Variants in PRMT8 observed in about 807,000 individuals in gnomAD.
PRMT8 encodes protein arginine methyltransferase 8.
In PRMT8, 7 loss-of-function variants were observed where a neutral mutation model predicts 47.1. That is an observed-to-expected ratio of 0.15 (90% CI 0.08 to 0.28). PRMT8 has a LOEUF of 0.28. Among genes scored for constraint, PRMT8 ranks in the 10% least tolerant of loss-of-function variants. The probability of loss-of-function intolerance (pLI) is 1.00; values close to 1 mark genes in which losing one functional copy is unlikely to be tolerated. For missense variants in PRMT8, 237 were observed against 505.4 expected (o/e 0.47, Z 5.09); for synonymous variants, 188 against 186.5 (o/e 1.01, Z -0.07).
At chr12:3,431,808 A>G (rs942289588) in intron 1 of PRMT8, among the ~76,000 whole-genome samples, 2 of 152,220 alleles carry the variant, frequency 1.3e-5, no homozygotes, top group African/African-American at 4.8e-5. Context: ...GTAGTCTTCC[A>G]AGAAGCTTGT....
At chr12:3,446,438 T>C (rs1164266799) in intron 1 of PRMT8, among the ~76,000 whole-genome samples, 1 of 152,130 alleles carries the variant, frequency 6.6e-6, no homozygotes, top group African/African-American at 2.4e-5. Flanking sequence ...AGAATCTTGC[T>C]CCAGCTGCAG....
intron 1 of PRMT8, among the ~76,000 whole-genome samples, chr12:3,506,537 C>G (rs1430837573): frequency 6.6e-6 from 1 of 152,092 alleles, no homozygotes; most frequent in African/African-American, 2.4e-5. Context: ...TGTGAAGGGC[C>G]CATTACAGGA....
chr12:3,398,224 C>T (rs1004774290), intron 1 of PRMT8, among the ~76,000 whole-genome samples: 2 of 152,166 alleles, frequency 1.3e-5, no homozygotes, highest in African/African-American at 4.8e-5. Context: ...GCCATCTTGG[C>T]TCCTCCCTCG....
intron 2 of PRMT8, among the ~76,000 whole-genome samples, chr12:3,543,247 C>T (rs909877722): frequency 6.6e-6 from 1 of 152,190 alleles, no homozygotes; most frequent in Admixed American, 6.5e-5. Context: ...TCCTTCCCCC[C>T]GAGGTCTCCT....
At chr12:3,402,929 G>A (rs1170832561) in intron 1 of PRMT8, among the ~76,000 whole-genome samples, 1 of 152,112 alleles carries the variant, frequency 6.6e-6, no homozygotes, top group African/African-American at 2.4e-5. Flanking sequence ...AAGACCTAGA[G>A]GCAGAGATAC....
intron 1 of PRMT8, chr12:3,469,120 A>C: frequency 2.0e-6 from 1 of 489,618 alleles, no homozygotes. Context: ...CTGAAGCCAG[A>C]GTCTTCCATG....
intron 1 of PRMT8, among the ~76,000 whole-genome samples, chr12:3,450,645 C>A (rs1239695715): frequency 6.6e-6 from 1 of 152,096 alleles, no homozygotes; most frequent in Non-Finnish European, 1.5e-5. Flanking sequence ...AATAATGTTC[C>A]ATGTAAAAAG....
At chr12:3,407,367 CTTTT>C (rs56668996) in intron 1 of PRMT8, among the ~76,000 whole-genome samples, 1 of 150,700 alleles carries the variant, frequency 6.6e-6, no homozygotes, top group African/African-American at 2.4e-5. Flanking sequence ...TCTTGGCTGA[CTTTT>C]TTTTTTCTTT....
Position 3,593,940 on chromosome 12 carries a change from C to G in PRMT8, c.*758C>G, listed in dbSNP as rs1033058157. The stretch of plus-strand genomic sequence containing the variant: ...AACCTTGAGCATAGTACCACGGACT[C>G]CGTGGGCGCTCAATAAACACACATG... On this transcript the variant is annotated 3_prime_UTR_variant, in exon 10 of 10. Coordinates refer to ENST00000382622, the MANE Select transcript of PRMT8 (RefSeq NM_019854.5). This position sits in a 1 kb window ranked among gnomAD's most constrained non-coding sequence, Gnocchi z 4.8. 2.6e-5 allele frequency: 4 copies of G among 152,874 alleles called. No homozygotes were observed. Among genetic ancestry groups the G allele is most frequent in the Non-Finnish European group, 4.4e-5 (3 of 68,132 alleles). The allele number at this position is 152,874 out of a possible 1,614,324, so 9.5% of individuals were successfully genotyped here.
At position 3,491,365 on chromosome 12, in the gene PRMT8, G is replaced by T; in HGVS notation, c.-261G>T. The T allele has an allele frequency of 2.6e-6, 3 of 1,162,310 alleles. No homozygotes were observed. Among genetic ancestry groups the T allele is most frequent in the South Asian group, 3.3e-5 (1 of 30,080 alleles). The allele number at this position is 1,162,310 out of a possible 1,614,324, so 72.0% of individuals were successfully genotyped here. On this transcript the variant is annotated 5_prime_UTR_variant, in exon 1 of 10. Transcript: ENST00000382622. Reference sequence around the variant, plus strand: ...CTTAGCCCGCAGCGCGGGTGGAGAGGGGCGGGGAGGGGGTCGGGGGCACGA... The same window carrying T: ...CTTAGCCCGCAGCGCGGGTGGAGAGTGGCGGGGAGGGGGTCGGGGGCACGA...
At chr12:3,546,819 G>T (rs1012231299) in intron 2 of PRMT8, among the ~76,000 whole-genome samples, 1 of 152,094 alleles carries the variant, frequency 6.6e-6, no homozygotes, top group African/African-American at 2.4e-5. Context: ...TATGTAATGA[G>T]CCCAGTATAA....
At chr12:3,525,522 A>G (rs577029230) in intron 1 of PRMT8, among the ~76,000 whole-genome samples, 40 of 152,352 alleles carry the variant, frequency 2.6e-4, no homozygotes, top group Admixed American at 1.1e-3. Flanking sequence ...TCTAGGCTTC[A>G]GGACCCACAG....
Position 3,493,191 on chromosome 12 carries a change from G to A in PRMT8, c.75+1491G>A, listed in dbSNP as rs868853569. Among the ~76,000 whole-genome samples, 3 of 152,188 alleles carry A rather than the reference G, an allele frequency of 2.0e-5. No homozygotes were observed. The highest frequency in any genetic ancestry group is 4.4e-5 in the Non-Finnish European group (3 of 68,034). On this transcript the variant is annotated intron_variant, in intron 1 of 9. Transcript: ENST00000382622. This position sits in a 1 kb window ranked among gnomAD's most constrained non-coding sequence, Gnocchi z 8.2. ...CTCCTTGAGTTAGGGCAAAGCCTGC[G>A]TGCCCGCCGTCCCCTCACCACTTCC...
Position 3,550,807 on chromosome 12 carries a change from G to A in PRMT8, c.417+716G>A, listed in dbSNP as rs1038659757. Reference sequence around the variant, plus strand: ...GGCTCTCCCAAGGCAGCTTTGCCCAGCCTGATGACAGAGGGCCTGGGAAGG... The same window carrying A: ...GGCTCTCCCAAGGCAGCTTTGCCCAACCTGATGACAGAGGGCCTGGGAAGG... On this transcript the variant is annotated intron_variant, in intron 3 of 9. Coordinates refer to ENST00000382622, the MANE Select transcript of PRMT8 (RefSeq NM_019854.5). This position sits in a 1 kb window ranked among gnomAD's most constrained non-coding sequence, Gnocchi z 5.1. 2.0e-5 allele frequency: 3 copies of A among 152,242 alleles called. No homozygotes were observed. The highest frequency in any genetic ancestry group is 7.2e-5 in the African/African-American group (3 of 41,442). 9.4% of individuals were successfully genotyped at this position (152,242 alleles called of 1,614,324 possible).
intron 1 of PRMT8, among the ~76,000 whole-genome samples, chr12:3,505,609 A>G (rs1286379136): frequency 6.6e-6 from 1 of 151,972 alleles, no homozygotes; most frequent in African/African-American, 2.4e-5. Flanking sequence ...TTGCAAAGCA[A>G]CTCTTATTAA....
intron 1 of PRMT8, among the ~76,000 whole-genome samples, chr12:3,447,826 A>G (rs10450714): frequency 4.6e-5 from 7 of 152,304 alleles, no homozygotes; most frequent in African/African-American, 1.4e-4. Context: ...ACATTGCCTC[A>G]TTTTAGACAA....
At chr12:3,418,813 T>G (rs1864509498) in intron 1 of PRMT8, among the ~76,000 whole-genome samples, 1 of 151,922 alleles carries the variant, frequency 6.6e-6, no homozygotes, top group Non-Finnish European at 1.5e-5. Context: ...GGGGCTGGGC[T>G]GGCTGCTTGA....
rs1273490552 is a variant in PRMT8, at chr12:3,436,145, C to T, written c.48+54703C>T. 1.3e-5 allele frequency among the ~76,000 whole-genome samples: 2 copies of T among 152,150 alleles called. No homozygotes were observed. Among genetic ancestry groups the T allele is most frequent in the African/African-American group, 2.4e-5 (1 of 41,434 alleles). ...TATTGGGTGCCTCAGGCCCTGCTTA[C>T]CTGCTTATAAAAAAGTCAAGTCGTC... On this transcript the variant is annotated intron_variant, in intron 1 of 9. Coordinates refer to the PRMT8 transcript ENST00000452611. This position sits in a 1 kb window ranked among gnomAD's most constrained non-coding sequence, Gnocchi z 4.2.
chr12:3,430,077 T>A (rs1864658198), intron 1 of PRMT8, among the ~76,000 whole-genome samples: 1 of 152,228 alleles, frequency 6.6e-6, no homozygotes, highest in South Asian at 2.1e-4. Context: ...CTCCAAAAAC[T>A]GAGCTCTCTG....
Sources: gnomAD v4.1 joint callset for allele counts (sites outside exome capture counted in the v4.1 genomes callset) on GRCh38, gnomAD v4.1.1 for gene constraint, Gnocchi (gnomAD v3.1) non-coding constraint, MANE v1.5 for transcripts, NCBI Gene and HGNC (gene_info 2026-07-23, HGNC 2026-07-21) for gene names.